Variants in WDFY2 observed in about 807,000 individuals in gnomAD.
WDFY2 encodes the protein WD repeat and FYVE domain-containing protein 2.
In WDFY2, 36 loss-of-function variants were observed where a neutral mutation model predicts 56.4. The observed-to-expected ratio is 0.64, with a 90% CI of 0.49 to 0.84. WDFY2 has a LOEUF of 0.84. WDFY2 is among the 40% of genes least tolerant of loss of function. The pLI, the probability that WDFY2 is intolerant of heterozygous loss-of-function variation, is 0.00. For synonymous variants in WDFY2, 176 were observed against 183.7 expected (o/e 0.96, Z 0.34); for missense variants, 444 against 512.2 (o/e 0.87, Z 1.29).
At chr13:51,589,750 T>C (rs1291863692) in intron 1 of WDFY2, 2 of 152,220 alleles carry the variant, frequency 1.3e-5, no homozygotes, top group East Asian at 3.8e-4. Flanking sequence ...TCTAAACTAA[T>C]TTTTCAGTGT....
intron 6 of WDFY2, among the ~76,000 whole-genome samples, chr13:51,734,611 C>G (rs1231906197): frequency 6.6e-6 from 1 of 152,154 alleles, no homozygotes; most frequent in Non-Finnish European, 1.5e-5. Context: ...AAGTAATGCA[C>G]AAGTCAATGA....
intron 2 of WDFY2, among the ~76,000 whole-genome samples, chr13:51,667,817 A>G (rs956832470): frequency 6.6e-6 from 1 of 150,546 alleles, no homozygotes; most frequent in Non-Finnish European, 1.5e-5. Context: ...CTTATAAACC[A>G]TAATGTAATG....
chr13:51,735,563 G>A (rs538114936), intron 6 of WDFY2, among the ~76,000 whole-genome samples: 2 of 152,256 alleles, frequency 1.3e-5, no homozygotes, highest in African/African-American at 4.8e-5. Context: ...CAAACATAAC[G>A]TGCATGCTCT....
chr13:51,606,722 A>T (rs1954390861), intron 1 of WDFY2, among the ~76,000 whole-genome samples: 1 of 152,150 alleles, frequency 6.6e-6, no homozygotes, highest in Non-Finnish European at 1.5e-5. Context: ...AATGCACAGT[A>T]TGTCACTGTA....
chr13:51,587,456 G>A (rs1171221337), intron 1 of WDFY2: 1 of 152,148 alleles, frequency 6.6e-6, no homozygotes, highest in Admixed American at 6.5e-5. Context: ...AACTACTGTA[G>A]ACTTTTAGTT....
At chr13:51,622,307 C>G (rs990173073) in intron 1 of WDFY2, among the ~76,000 whole-genome samples, 8 of 152,074 alleles carry the variant, frequency 5.3e-5, no homozygotes, top group African/African-American at 1.4e-4. Context: ...GTCCCTTCTC[C>G]TTTAGTTAAT....
chr13:51,751,979 G>A (rs760210564), intron 8 of WDFY2, among the ~76,000 whole-genome samples: 7 of 152,030 alleles, frequency 4.6e-5, no homozygotes, highest in Non-Finnish European at 8.8e-5. Flanking sequence ...CAACAAATAT[G>A]TTTCCTGCAT....
In WDFY2 at chr13:51,635,929, C is replaced by G. The variant is rs150263520; in HGVS notation, c.138-24667C>G. ...CATTCCCCATTTCTCTTCTGGTGTC[C>G]CTATATCTGGGCAGTACCAAAGTGT... On this transcript the variant is annotated intron_variant, in intron 1 of 11. Transcript: ENST00000298125. Among the ~76,000 whole-genome samples, 249 of 152,226 alleles carry G rather than the reference C, an allele frequency of 1.6e-3. 2 individuals are homozygous for G. Among genetic ancestry groups the G allele is most frequent in the Non-Finnish European group, 3.1e-3 (211 of 68,010 alleles).
At chr13:51,756,008 T>G (rs185802351) in intron 9 of WDFY2, among the ~76,000 whole-genome samples, 13 of 151,912 alleles carry the variant, frequency 8.6e-5, no homozygotes, top group African/African-American at 3.1e-4. Context: ...CGGCAGTTTC[T>G]CAGACACCCC....
chr13:51,695,016 T>G (rs1460160198), intron 3 of WDFY2, among the ~76,000 whole-genome samples: 1 of 152,230 alleles, frequency 6.6e-6, no homozygotes, highest in African/African-American at 2.4e-5. Flanking sequence ...TTCTCAAGCC[T>G]TGGCTTTCAG....
chr13:51,601,430 T>C (rs1954280016), intron 1 of WDFY2, among the ~76,000 whole-genome samples: 1 of 152,112 alleles, frequency 6.6e-6, no homozygotes, highest in Non-Finnish European at 1.5e-5. Context: ...TTTTTTTTTT[T>C]TTAGACATAG....
chr13:51,705,539 A>G (rs892535433), intron 4 of WDFY2, among the ~76,000 whole-genome samples: 2 of 151,286 alleles, frequency 1.3e-5, no homozygotes, highest in African/African-American at 4.9e-5. Flanking sequence ...GCTCCTCCAC[A>G]GTTCTCACTT....
rs549763371 is a variant in WDFY2, at chr13:51,599,068, C to G, written c.137+14244C>G. ...GCACTGCAGGCATGCGCTACCATGC[C>G]CAGCTAATTTTTGTATTTTTAGTAG... is the stretch of plus-strand genomic sequence containing the variant. On this transcript the variant is annotated intron_variant, in intron 1 of 11. Coordinates refer to ENST00000298125, the MANE Select transcript of WDFY2 (RefSeq NM_052950.4). Among the ~76,000 whole-genome samples, 10 of 152,146 alleles carry G rather than the reference C, an allele frequency of 6.6e-5. No individual in the cohort carries two copies. The South Asian group carries it at 1.5e-3, about 22-fold the overall frequency.
intron 4 of WDFY2, among the ~76,000 whole-genome samples, chr13:51,716,936 TTATTA>T (rs1305653320): frequency 3.3e-5 from 5 of 152,146 alleles, no homozygotes; most frequent in African/African-American, 7.2e-5. Flanking sequence ...AAAAATCATG[TTATTA>T]TATTAATTAA....
At chr13:51,620,259 G>T (rs1954700639) in intron 1 of WDFY2, among the ~76,000 whole-genome samples, 1 of 152,210 alleles carries the variant, frequency 6.6e-6, no homozygotes, top group Non-Finnish European at 1.5e-5. Flanking sequence ...GGAATCCATA[G>T]ACCCCCATGG....
At chr13:51,658,726 C>T (rs1208575812) in intron 1 of WDFY2, among the ~76,000 whole-genome samples, 2 of 152,070 alleles carry the variant, frequency 1.3e-5, no homozygotes, top group African/African-American at 4.8e-5. Flanking sequence ...GCTATATTAG[C>T]AGTATGTGTA....
chr13:51,607,157 TAC>T lies in WDFY2; in HGVS notation c.137+22335_137+22336del, dbSNP rs1954398262. Among the ~76,000 whole-genome samples the T allele has an allele frequency of 2.0e-5, 3 of 152,350 alleles. No homozygotes were observed. The South Asian group carries it at 6.2e-4, about 32-fold the overall frequency. On this transcript the variant is annotated intron_variant, in intron 1 of 11. Coordinates refer to ENST00000298125, the MANE Select transcript of WDFY2 (RefSeq NM_052950.4). ...AGCATATTTCATTGATTCAAAAATC[TAC>T]AGTTTTTCACCTTTAAGTATCTCTG...
At position 51,703,666 on chromosome 13, in the gene WDFY2, A is replaced by G. The variant is rs1952030213; in HGVS notation, c.334+16A>G. 1 of 1,598,732 alleles carries G rather than the reference A, an allele frequency of 6.3e-7. No individual in the cohort carries two copies. The highest frequency in any genetic ancestry group is 8.5e-7 in the Non-Finnish European group (1 of 1,170,972). On this transcript the variant is annotated intron_variant, in intron 4 of 11. Transcript: ENST00000298125. Reference sequence around the variant, plus strand: ...AACTATCAAGGTAGGGAGTGAGAGGAGTACCTTCATTACCCAGATTCTAAA... The same window carrying G: ...AACTATCAAGGTAGGGAGTGAGAGGGGTACCTTCATTACCCAGATTCTAAA...
chr13:51,676,668 T>C (rs1393779377), intron 3 of WDFY2, among the ~76,000 whole-genome samples: 1 of 152,338 alleles, frequency 6.6e-6, no homozygotes, highest in Non-Finnish European at 1.5e-5. Context: ...ATCAGCCTAG[T>C]GACAAGTATT....
Sources: allele counts gnomAD v4.1 joint callset (sites outside exome capture counted in the v4.1 genomes callset), GRCh38; gene constraint gnomAD v4.1.1; transcripts MANE v1.5; gene names NCBI Gene and HGNC (gene_info 2026-07-23, HGNC 2026-07-21).